The following ADGRV1 variants were observed in gnomAD, a reference collection of about 807,000 sequenced individuals.
ADGRV1 encodes the protein adhesion G protein-coupled receptor V1.
Under a neutral mutation model 596.2 loss-of-function variants are expected in ADGRV1, and 359 were observed. That is an observed-to-expected ratio of 0.60 (90% CI 0.55 to 0.66). The LOEUF is 0.66. Ranked by LOEUF, ADGRV1 falls within the 30% of genes least tolerant of loss-of-function variation. ADGRV1 has a pLI of 0.00. For synonymous variants in ADGRV1, 2,681 were observed against 2,679.2 expected (o/e 1.00, Z -0.02); for missense variants, 7,274 against 7,575.6 (o/e 0.96, Z 1.48).
intron 87 of ADGRV1, among the ~76,000 whole-genome samples, chr5:91,109,896 G>A (rs541182862): frequency 6.6e-6 from 1 of 152,244 alleles, no homozygotes; most frequent in African/African-American, 2.4e-5. Context: ...AGTAACAGAC[G>A]TCCACTATAC....
chr5:90,710,182 A>G (rs892906285), intron 39 of ADGRV1, among the ~76,000 whole-genome samples: 4 of 152,212 alleles, frequency 2.6e-5, no homozygotes, highest in East Asian at 1.9e-4. Flanking sequence ...GGCAGCTACC[A>G]TAAGTGTCCT....
At chr5:90,974,042 T>A (rs530269961) in intron 84 of ADGRV1, among the ~76,000 whole-genome samples, 231 of 152,206 alleles carry the variant, frequency 1.5e-3, no homozygotes, top group African/African-American at 5.4e-3. Context: ...ACAAGCATTC[T>A]TATACACCAA....
At chr5:90,631,581 C>T (rs1488874598) in intron 9 of ADGRV1, among the ~76,000 whole-genome samples, 1 of 152,100 alleles carries the variant, frequency 6.6e-6, no homozygotes, top group Non-Finnish European at 1.5e-5. Flanking sequence ...CTCCTCCAAG[C>T]GGGAAAATTT....
chr5:90,815,386 G>A (rs1172090623), intron 74 of ADGRV1, among the ~76,000 whole-genome samples: 1 of 152,040 alleles, frequency 6.6e-6, no homozygotes, highest in East Asian at 1.9e-4. Context: ...TGTGTCAGGG[G>A]GAAAGAGTGG....
intron 85 of ADGRV1, among the ~76,000 whole-genome samples, chr5:91,025,958 A>T (rs906474769): frequency 2.0e-5 from 3 of 152,194 alleles, no homozygotes; most frequent in Middle Eastern, 3.2e-3. Context: ...AATAACCAAG[A>T]AAATGCCGTC....
At chr5:90,567,876 A>T (rs1332232081) in intron 1 of ADGRV1, among the ~76,000 whole-genome samples, 4 of 151,724 alleles carry the variant, frequency 2.6e-5, no homozygotes, top group Non-Finnish European at 5.9e-5. Context: ...AGTAGCTGGG[A>T]TTACAGGCAC....
chr5:90,923,152 A>C (rs1561944644), intron 83 of ADGRV1, among the ~76,000 whole-genome samples: 1 of 152,220 alleles, frequency 6.6e-6, no homozygotes, highest in Non-Finnish European at 1.5e-5. Flanking sequence ...CATTACATGA[A>C]TGTGCATGCA....
chr5:91,004,208 C>G (rs1049566135), intron 85 of ADGRV1, among the ~76,000 whole-genome samples: 3 of 152,034 alleles, frequency 2.0e-5, no homozygotes, highest in Non-Finnish European at 4.4e-5. Context: ...TCTAGGTGTT[C>G]TAAGTAACAT....
intron 83 of ADGRV1, among the ~76,000 whole-genome samples, chr5:90,935,301 G>A (rs957364946): frequency 9.9e-5 from 15 of 152,190 alleles, no homozygotes; most frequent in African/African-American, 3.4e-4. Context: ...ATACTCCATA[G>A]TTTTGCTTTT....
At chr5:91,067,792 C>T (rs1788012993) in intron 85 of ADGRV1, among the ~76,000 whole-genome samples, 1 of 152,140 alleles carries the variant, frequency 6.6e-6, no homozygotes, top group Admixed American at 6.5e-5. Context: ...CATCTTTAGG[C>T]TACTTGCTGT....
chr5:91,056,360 T>C (rs1786855420), intron 85 of ADGRV1, among the ~76,000 whole-genome samples: 1 of 152,116 alleles, frequency 6.6e-6, no homozygotes, highest in African/African-American at 2.4e-5. Flanking sequence ...AGTTTGGCTT[T>C]GGGAAGTGCT....
At chr5:90,594,979 C>A (rs1398040827) in intron 1 of ADGRV1, among the ~76,000 whole-genome samples, 25 of 145,820 alleles carry the variant, frequency 1.7e-4, no homozygotes, top group African/African-American at 6.3e-4. Context: ...CATCCTGGCC[C>A]GTTCTCAATG....
chr5:90,760,707 C>G (rs1257320350), intron 58 of ADGRV1, among the ~76,000 whole-genome samples: 2 of 152,120 alleles, frequency 1.3e-5, no homozygotes, highest in African/African-American at 4.8e-5. Context: ...TTCTCTCTTA[C>G]TTCTCATTGG....
chr5:91,141,534 C>A (rs1377468151), intron 87 of ADGRV1, among the ~76,000 whole-genome samples: 1 of 151,678 alleles, frequency 6.6e-6, no homozygotes, highest in Non-Finnish European at 1.5e-5. Flanking sequence ...TCAACAAAAG[C>A]AATATTGTAA....
chr5:90,621,624 A>G (rs1764082449), intron 4 of ADGRV1, among the ~76,000 whole-genome samples: 1 of 152,116 alleles, frequency 6.6e-6, no homozygotes, highest in Admixed American at 6.5e-5. Flanking sequence ...GTTGTTGTTG[A>G]CATTATATAT....
rs370685022 is a variant in ADGRV1, at chr5:90,816,861, G to A, written c.16196+1125G>A. ...AGTCTTTGCTATTGTGAATAGTGCC[G>A]CAATAAACATACGTGTGCATGTGTC... On this transcript the variant is annotated intron_variant, in intron 75 of 89. Coordinates refer to ENST00000405460, the MANE Select transcript of ADGRV1 (RefSeq NM_032119.4). Among the ~76,000 whole-genome samples the A allele has an allele frequency of 1.9e-4, 29 of 151,752 alleles. No homozygotes were observed. In the East Asian group the frequency reaches 3.9e-3, roughly 20 times the overall value.
intron 81 of ADGRV1, 150 bp from the exon 82 acceptor site, chr5:90,855,591 T>C: frequency 1.7e-6 from 1 of 572,106 alleles, no homozygotes. Flanking sequence ...GGACAAGATG[T>C]TCCCTTCACT....
intron 87 of ADGRV1, among the ~76,000 whole-genome samples, chr5:91,132,389 C>T (rs1794292272): frequency 6.6e-6 from 1 of 152,126 alleles, no homozygotes; most frequent in African/African-American, 2.4e-5. Flanking sequence ...AAGATTTCAA[C>T]AAGTATCTTC....
chr5:90,616,827 A>G (rs1763427425), intron 2 of ADGRV1, among the ~76,000 whole-genome samples: 1 of 152,196 alleles, frequency 6.6e-6, no homozygotes, highest in Admixed American at 6.5e-5. Context: ...TCCCTACTGT[A>G]CTATCGAATA....
Sources: allele counts gnomAD v4.1 joint callset (sites outside exome capture counted in the v4.1 genomes callset), GRCh38; gene constraint gnomAD v4.1.1; transcripts MANE v1.5; gene names NCBI Gene and HGNC (gene_info 2026-07-23, HGNC 2026-07-21).